MYO15A: variants seen among roughly 807,000 people sequenced by gnomAD.
MYO15A encodes unconventional myosin-XV.
A neutral mutation model predicts 394.6 loss-of-function variants in MYO15A; 308 were observed. The ratio of observed to expected loss-of-function variants is 0.78; its 90% confidence interval spans 0.71 to 0.86. MYO15A has a LOEUF of 0.86. Ranked by LOEUF, MYO15A falls within the 40% of genes least tolerant of loss-of-function variation. The pLI is 0.00. For missense variants in MYO15A, 4,606 were observed against 4,799.1 expected (o/e 0.96, Z 1.19); for synonymous variants, 1,957 against 2,003.8 (o/e 0.98, Z 0.62).
rs1356633870 is a variant in MYO15A at position 18,119,082 on chromosome 17, G to GA, written c.284dup (p.Lys96GlufsTer132). On this transcript the variant is annotated frameshift_variant, in exon 2 of 66. Coordinates refer to ENST00000647165, the MANE Select transcript of MYO15A (RefSeq NM_016239.4). LOFTEE classifies it high-confidence loss of function. ...TCATGACGCAGATGCGCATGGGCAA[G>GA]AAGAAGCGGGCGATGAAGGGCAAGA... 1.9e-6 allele frequency: 3 copies of GA among 1,611,892 alleles called. No homozygotes were observed. The highest frequency in any genetic ancestry group is 1.7e-6 in the Non-Finnish European group (2 of 1,179,644).
At chr17:18,145,288 CA>C (rs1388641985) in intron 29 of MYO15A, among the ~76,000 whole-genome samples, 2 of 151,652 alleles carry the variant, frequency 1.3e-5, no homozygotes, top group African/African-American at 4.8e-5. Flanking sequence ...GCTGGAGGGC[CA>C]GGGGTGCAGG....
Position 18,120,148 on chromosome 17 carries a change from T to C in MYO15A, c.1348T>C (p.Phe450Leu). ...DAGVERQGTSFRLPSAAFFEQ... is the reference protein window; with the variant it reads ...DAGVERQGTSLRLPSAAFFEQ... ...GGGCGTAGAGCGTCAGGGGACCTCC[T>C]TCCGCCTGCCCAGCGCCGCCTTCTT... The change falls in exon 2 of 66, where the codon TTC (phenylalanine) becomes CTC (leucine). Residue 450 changes from phenylalanine to leucine, a missense_variant. Around this residue, in one of 2 missense-constraint regions of MYO15A, gnomAD observed 1,830 missense variants for 1,689.7 expected, o/e 1.08. Coordinates refer to ENST00000647165, the MANE Select transcript of MYO15A (RefSeq NM_016239.4). 1 of 1,612,914 alleles carries C rather than the reference T, an allele frequency of 6.2e-7. No homozygotes were observed. Among genetic ancestry groups the C allele is most frequent in the African/African-American group, 1.3e-5 (1 of 75,068 alleles).
intron 60 of MYO15A, 109 bp downstream of exon 60, chr17:18,163,947 C>G (rs559977681): frequency 1.0e-4 from 108 of 1,083,886 alleles, no homozygotes; most frequent in Admixed American, 8.3e-4. Context: ...GCCACTTCCT[C>G]CAGGAAGCCC....
chr17:18,157,732 C>A lies in MYO15A; in HGVS notation c.8799C>A (p.Phe2933Leu). The change falls in exon 51 of 66, where the codon TTC becomes TTA. Residue 2933 changes from phenylalanine to leucine, a missense_variant. Phe to Leu is a conservative substitution (Grantham distance 22, BLOSUM62 0). Around this residue, in one of 2 missense-constraint regions of MYO15A, gnomAD observed 2,776 missense variants for 3,109.3 expected, o/e 0.89. Coordinates refer to ENST00000647165, the MANE Select transcript of MYO15A (RefSeq NM_016239.4). Reference sequence around the variant, plus strand: ...TTTACCCACCCCTAGGCTGGAGGTTCGGGACCATCCACGGGCGCGTGGGCC... The same window carrying A: ...TTTACCCACCCCTAGGCTGGAGGTTAGGGACCATCCACGGGCGCGTGGGCC... ...RRRGPDFGWR[F>L]GTIHGRVGRF... 1 of 1,606,208 alleles carries A rather than the reference C, an allele frequency of 6.2e-7. No individual in the cohort carries two copies. Among genetic ancestry groups the A allele is most frequent in the East Asian group, 2.2e-5 (1 of 44,874 alleles).
In MYO15A at chr17:18,142,171, T is replaced by C. The variant is rs778007903; in HGVS notation, c.5742T>C (p.Arg1914=). Reference sequence around the variant, plus strand: ...CCCTCACTCTGCAGCGCTGCCTCCGTGGCTTCTTCATTAAGCGGCGATTCC... The same window carrying C: ...CCCTCACTCTGCAGCGCTGCCTCCGCGGCTTCTTCATTAAGCGGCGATTCC... ...LAALTLQRCL[R]GFFIKRRFRS... is the part of the protein sequence containing the mutation. Residue 1914 remains arginine (R), a synonymous_variant, in exon 24 of 66, where the codon CGT becomes CGC. Coordinates refer to ENST00000647165, the MANE Select transcript of MYO15A (RefSeq NM_016239.4). 4.3e-6 allele frequency: 7 copies of C among 1,613,766 alleles called. No individual in the cohort carries two copies. The highest frequency in any genetic ancestry group is 1.1e-5 in the South Asian group (1 of 91,090).
intron 1 of MYO15A, among the ~76,000 whole-genome samples, chr17:18,115,449 T>C (rs1157092571): frequency 6.6e-6 from 1 of 152,090 alleles, no homozygotes; most frequent in African/African-American, 2.4e-5. Flanking sequence ...TGAAACCCTG[T>C]CTCTACTAAA....
intron 26 of MYO15A, 37 bp from the exon 27 acceptor site, chr17:18,143,678 G>A: frequency 6.4e-7 from 1 of 1,573,616 alleles, no homozygotes; most frequent in Non-Finnish European, 8.6e-7. Context: ...GTGGGGATGT[G>A]GCAGGCCTGT....
chr17:18,158,894 A>G, intron 52 of MYO15A, 31 bp from the exon 53 acceptor site: 1 of 1,613,042 alleles, frequency 6.2e-7, no homozygotes, highest in Non-Finnish European at 8.5e-7. Context: ...CTTGGGCAGG[A>G]CAGGTCAGTA....
Position 18,119,069 on chromosome 17 carries a change from T to C in MYO15A, c.269T>C (p.Met90Thr), listed in dbSNP as rs373294263. The C allele has an allele frequency of 1.2e-4, 190 of 1,612,230 alleles. No individual in the cohort carries two copies. The African/African-American group carries it at 2.2e-3, about 18-fold the overall frequency. ...TCCACGTCAAAGCTCATGACGCAGATGCGCATGGGCAAGAAGAAGCGGGCG... is the reference window on the plus strand; with the variant it reads ...TCCACGTCAAAGCTCATGACGCAGACGCGCATGGGCAAGAAGAAGCGGGCG... ...LKSTSKLMTQ[M>T]RMGKKKRAMK... The change falls in exon 2 of 66, where the codon ATG (methionine) becomes ACG (threonine). Residue 90 changes from methionine (M) to threonine (T), a missense_variant. Coordinates refer to ENST00000647165, the MANE Select transcript of MYO15A (RefSeq NM_016239.4).
At chr17:18,138,059 T>TGGGGGGG in intron 16 of MYO15A, 56 bp from the exon 17 acceptor site, 1 of 643,320 alleles carries the variant, frequency 1.6e-6, no homozygotes, top group Non-Finnish European at 2.0e-6. Context: ...GGAGGGAGGG[T>TGGGGGGG]GGGTGGGCCC....
Position 18,124,981 on chromosome 17 carries a change from T to C in MYO15A, c.3693-187T>C, listed in dbSNP as rs1217369675. 4.6e-6 allele frequency: 3 copies of C among 655,972 alleles called. No individual in the cohort carries two copies. The African/African-American group carries it at 5.4e-5, about 12-fold the overall frequency. 40.6% of individuals were successfully genotyped at this position (655,972 alleles called of 1,614,324 possible). A position where few individuals can be genotyped will look rare whatever the true frequency, so the allele number is the denominator to read the frequency against. ...GTAGGTACAATGATTATCATACCCA[T>C]TGGACAAATGAAGAAAAAGGCACAG... On this transcript the variant is annotated intron_variant, in intron 3 of 65. Transcript: ENST00000647165.
chr17:18,116,749 G>A (rs770298874), intron 1 of MYO15A, among the ~76,000 whole-genome samples: 5 of 152,114 alleles, frequency 3.3e-5, no homozygotes, highest in South Asian at 2.1e-4. Context: ...GGTAAAAACC[G>A]TCTCTACTAA....
At chr17:18,149,044 TG>T (rs1400019146) in intron 33 of MYO15A, 92 bp downstream of exon 33, 26 of 1,504,806 alleles carry the variant, frequency 1.7e-5, no homozygotes, top group African/African-American at 6.9e-5. Context: ...TCCCAGCTGC[TG>T]GGACAGGCTG....
chr17:18,175,781 C>T (rs986916424), intron 65 of MYO15A, among the ~76,000 whole-genome samples: 8 of 152,284 alleles, frequency 5.3e-5, no homozygotes, highest in Middle Eastern at 3.4e-3. Context: ...CAGCTTTCCT[C>T]CCGATCCTCC....
intron 13 of MYO15A, 102 bp from the exon 14 acceptor site, chr17:18,136,315 C>T (rs1292196209): frequency 7.0e-7 from 1 of 1,421,878 alleles, no homozygotes; most frequent in East Asian, 2.3e-5. Flanking sequence ...CAACATCCCT[C>T]CAGCCTCCCT....
At position 18,146,138 on chromosome 17, in the gene MYO15A, G is replaced by A. The variant is rs371977282; in HGVS notation, c.6509+31G>A. ...TGGGACTGGATAGGGGCTGGGACAC[G>A]AGGGACGGTGGCACCAGCAGTGGAG... On this transcript the variant is annotated intron_variant, in intron 30 of 65. Transcript: ENST00000647165. 54 of 1,603,708 alleles carry A rather than the reference G, an allele frequency of 3.4e-5. 1 individual carries two copies. In the South Asian group the frequency reaches 4.0e-4, roughly 12 times the overall value.
intron 60 of MYO15A, 41 bp from the exon 61 acceptor site, chr17:18,166,320 A>G: frequency 6.2e-7 from 1 of 1,604,902 alleles, no homozygotes; most frequent in Non-Finnish European, 8.5e-7. Context: ...ATGTGTGTGC[A>G]CACATGCCCC....
intron 60 of MYO15A, 42 bp from the exon 61 acceptor site, chr17:18,166,319 C>A: frequency 6.2e-7 from 1 of 1,604,482 alleles, no homozygotes; most frequent in Non-Finnish European, 8.5e-7. Context: ...CATGTGTGTG[C>A]ACACATGCCC....
intron 33 of MYO15A, 70 bp from the exon 34 acceptor site, chr17:18,149,146 G>A (rs2046535232): frequency 6.3e-7 from 1 of 1,592,700 alleles, no homozygotes; most frequent in Non-Finnish European, 8.6e-7. Context: ...ATACCAGGGT[G>A]CAGAAGAAAA....
Sources: allele counts gnomAD v4.1 joint callset (sites outside exome capture counted in the v4.1 genomes callset), GRCh38; gene constraint gnomAD v4.1.1; regional missense constraint gnomAD v4.1.1; transcripts MANE v1.5; gene names NCBI Gene and HGNC (gene_info 2026-07-23, HGNC 2026-07-21).